The following SENP5 variants were observed in gnomAD, a reference collection of about 807,000 sequenced individuals.
The protein encoded by SENP5 is SUMO specific peptidase 5.
Under a neutral mutation model 74.2 loss-of-function variants are expected in SENP5, and 21 were observed. The observed-to-expected ratio is 0.28, with a 90% CI of 0.20 to 0.41. The LOEUF (loss-of-function observed/expected upper bound fraction) is 0.41. Among genes scored for constraint, SENP5 ranks in the 10% least tolerant of loss-of-function variants. The pLI, the probability that SENP5 is intolerant of heterozygous loss-of-function variation, is 1.00. For missense variants in SENP5, 717 were observed against 889.1 expected (o/e 0.81, Z 2.46); for synonymous variants, 311 against 312.7 (o/e 0.99, Z 0.06).
intron 1 of SENP5, among the ~76,000 whole-genome samples, chr3:196,874,286 A>G (rs1287599544): frequency 7.3e-6 from 1 of 137,930 alleles, no homozygotes; most frequent in Non-Finnish European, 1.6e-5. Flanking sequence ...CATGTATAAG[A>G]ATCTCCACTA....
intron 6 of SENP5, among the ~76,000 whole-genome samples, chr3:196,909,184 CACAT>C (rs550486256): frequency 7.0e-4 from 107 of 152,242 alleles, no homozygotes; most frequent in South Asian, 1.2e-3. Flanking sequence ...AATTCCTGGA[CACAT>C]ACACCTTCCC....
At chr3:196,889,370 A>G (rs1714111125) in intron 2 of SENP5, among the ~76,000 whole-genome samples, 1 of 152,204 alleles carries the variant, frequency 6.6e-6, no homozygotes, top group Non-Finnish European at 1.5e-5. Context: ...GATAAATTGA[A>G]TATGCACGTA....
At chr3:196,925,233 T>A (rs1214995407) in intron 7 of SENP5, among the ~76,000 whole-genome samples, 1 of 152,106 alleles carries the variant, frequency 6.6e-6, no homozygotes, top group East Asian at 1.9e-4. Flanking sequence ...ATTTAAAAAT[T>A]AAGTATAATG....
At chr3:196,926,258 C>T (rs1035775523) in intron 7 of SENP5, among the ~76,000 whole-genome samples, 9 of 151,656 alleles carry the variant, frequency 5.9e-5, no homozygotes, top group Admixed American at 5.9e-4. Flanking sequence ...CTGAGGCGGG[C>T]GGATCAGAAG....
At chr3:196,900,285 TTTTA>T in intron 4 of SENP5, 76 bp from the exon 5 acceptor site, 3 of 1,364,672 alleles carry the variant, frequency 2.2e-6, no homozygotes, top group Admixed American at 2.0e-5. Flanking sequence ...AGTAGCCTGG[TTTTA>T]TTTATTTATT....
At chr3:196,893,366 G>C (rs9833707) in intron 2 of SENP5, among the ~76,000 whole-genome samples, 152,263 of 152,334 alleles carry the variant, frequency 1, 76,096 homozygotes, top group Middle Eastern at 1. Flanking sequence ...ATGTGTGTGT[G>C]TATAGCAAAA....
At chr3:196,922,260 C>T (rs758113746) in intron 6 of SENP5, among the ~76,000 whole-genome samples, 2 of 152,096 alleles carry the variant, frequency 1.3e-5, no homozygotes, top group South Asian at 2.1e-4. Context: ...TTATTAGTTG[C>T]GGAAATCAAG....
intron 6 of SENP5, among the ~76,000 whole-genome samples, chr3:196,908,054 G>T (rs928329264): frequency 1.3e-5 from 2 of 152,312 alleles, no homozygotes; most frequent in East Asian, 3.9e-4. Context: ...CTGTAGATGG[G>T]AGGATTGCTT....
intron 1 of SENP5, among the ~76,000 whole-genome samples, chr3:196,883,907 G>C (rs1017459143): frequency 6.6e-6 from 1 of 152,082 alleles, no homozygotes; most frequent in Non-Finnish European, 1.5e-5. Flanking sequence ...GGCCAGTCTG[G>C]TCTCGAACTC....
intron 1 of SENP5, among the ~76,000 whole-genome samples, chr3:196,880,577 C>A (rs1713678233): frequency 6.6e-6 from 1 of 151,508 alleles, no homozygotes; most frequent in African/African-American, 2.4e-5. Flanking sequence ...CATTCTAGGA[C>A]AGTCTGTCTT....
chr3:196,919,114 C>CAGAG (rs369793722), intron 6 of SENP5, among the ~76,000 whole-genome samples: 1 of 151,310 alleles, frequency 6.6e-6, no homozygotes, highest in Non-Finnish European at 1.5e-5. Flanking sequence ...GGAAAAGAGC[C>CAGAG]AGAGAGAGAG....
chr3:196,915,077 C>T (rs574484735), intron 6 of SENP5, among the ~76,000 whole-genome samples: 2 of 152,316 alleles, frequency 1.3e-5, no homozygotes, highest in East Asian at 3.9e-4. Flanking sequence ...TCCGCCCCAG[C>T]GGTAGGAACC....
chr3:196,927,984 G>T, intron 8 of SENP5, 105 bp downstream of exon 8: 1 of 647,908 alleles, frequency 1.5e-6, no homozygotes, highest in East Asian at 2.8e-5. Flanking sequence ...AGATACCAAG[G>T]AGAGCCTGGA....
intron 1 of SENP5, among the ~76,000 whole-genome samples, chr3:196,875,755 G>T (rs1048181464): frequency 2.0e-5 from 3 of 151,654 alleles, no homozygotes; most frequent in African/African-American, 7.3e-5. Context: ...TTTGAGACAG[G>T]GTCTTGCTCT....
At position 196,931,762 on chromosome 3, in the gene SENP5, A is replaced by G; in HGVS notation, c.*839A>G. 3.3e-6 allele frequency: 1 copy of G among 305,688 alleles called. No individual in the cohort carries two copies. The highest frequency in any genetic ancestry group is 6.5e-6 in the Non-Finnish European group (1 of 153,956). 18.9% of individuals were successfully genotyped at this position (305,688 alleles called of 1,614,324 possible). Reference sequence around the variant, plus strand: ...CTAGTGGTCAAACAAATGAGAATGCAGCTGTTCTCAGAGTAATTTTTAAGT... The same window carrying G: ...CTAGTGGTCAAACAAATGAGAATGCGGCTGTTCTCAGAGTAATTTTTAAGT... On this transcript the variant is annotated 3_prime_UTR_variant, in exon 10 of 10. Transcript: ENST00000323460.
intron 6 of SENP5, among the ~76,000 whole-genome samples, chr3:196,916,869 C>T (rs541965961): frequency 3.3e-4 from 50 of 152,218 alleles, no homozygotes; most frequent in African/African-American, 1.2e-3. Context: ...CACAGCGACT[C>T]ACACCTGTAA....
chr3:196,915,272 C>G (rs1394355253), intron 6 of SENP5, among the ~76,000 whole-genome samples: 4 of 152,200 alleles, frequency 2.6e-5, no homozygotes, highest in Admixed American at 1.3e-4. Context: ...GGGATTGCCA[C>G]TCCCACAACT....
At chr3:196,907,168 A>G (rs1242667992) in intron 6 of SENP5, among the ~76,000 whole-genome samples, 3 of 152,136 alleles carry the variant, frequency 2.0e-5, no homozygotes, top group Non-Finnish European at 4.4e-5. Flanking sequence ...TAAGCAGGAA[A>G]AGCTGTGTAG....
intron 6 of SENP5, among the ~76,000 whole-genome samples, chr3:196,904,169 G>A (rs1714810817): frequency 6.6e-6 from 1 of 152,168 alleles, no homozygotes; most frequent in Non-Finnish European, 1.5e-5. Flanking sequence ...AGTGGTAAGT[G>A]CTATTTGCTA....
Sources: allele counts gnomAD v4.1 joint callset (sites outside exome capture counted in the v4.1 genomes callset), GRCh38; gene constraint gnomAD v4.1.1; transcripts MANE v1.5; gene names NCBI Gene and HGNC (gene_info 2026-07-23, HGNC 2026-07-21).